The following FAM114A1 variants were observed in gnomAD, a reference collection of about 807,000 sequenced individuals.
FAM114A1 encodes protein NOXP20.
FAM114A1 carries 62 observed loss-of-function variants against 64.3 expected under a neutral mutation model. That is an observed-to-expected ratio of 0.96 (90% CI 0.79 to 1.19). The LOEUF is 1.19. Ranked by LOEUF, FAM114A1 falls within the 50% of genes most tolerant of loss-of-function variation. The pLI is 0.00. For synonymous variants in FAM114A1, 254 were observed against 251.1 expected (o/e 1.01, Z -0.11); for missense variants, 645 against 676.3 (o/e 0.95, Z 0.51).
At chr4:38,920,143 G>T (rs1719449838) in intron 8 of FAM114A1, among the ~76,000 whole-genome samples, 1 of 151,740 alleles carries the variant, frequency 6.6e-6, no homozygotes, top group South Asian at 2.1e-4. Flanking sequence ...GGAGGCGGAG[G>T]TTCCAGTGAG....
intron 7 of FAM114A1, among the ~76,000 whole-genome samples, chr4:38,911,390 G>T (rs1374396790): frequency 1.3e-5 from 2 of 152,246 alleles, no homozygotes; most frequent in African/African-American, 4.8e-5. Context: ...GGGAAGAGCT[G>T]TGGGAGGCTG....
chr4:38,931,639 A>G (rs550662111), intron 11 of FAM114A1, 27 bp downstream of exon 11: 7 of 1,597,558 alleles, frequency 4.4e-6, no homozygotes, highest in South Asian at 2.3e-5. Flanking sequence ...TTGTCTGCCT[A>G]CAAGGTAATA....
intron 3 of FAM114A1, among the ~76,000 whole-genome samples, chr4:38,882,680 G>C (rs954951941): frequency 6.6e-6 from 1 of 152,140 alleles, no homozygotes; most frequent in Admixed American, 6.5e-5. Flanking sequence ...AAAAGAAAAC[G>C]GGCAGAATAG....
rs1372523202 is a variant in FAM114A1, at chr4:38,900,307, TG to T, written c.437-5213del. Among the ~76,000 whole-genome samples the T allele has an allele frequency of 8.6e-5, 13 of 151,544 alleles. No individual in the cohort carries two copies. In the South Asian group the frequency reaches 2.3e-3, roughly 27 times the overall value. ...GTGTGCTCTTGGTGGGGTTATAAAA[TG>T]GTACAGCTGCTGTGGAAGACAGTAC... is the stretch of plus-strand genomic sequence containing the variant. On this transcript the variant is annotated intron_variant, in intron 4 of 14. Transcript: ENST00000358869.
At chr4:38,891,485 C>G (rs1217756395) in intron 3 of FAM114A1, among the ~76,000 whole-genome samples, 1 of 152,174 alleles carries the variant, frequency 6.6e-6, no homozygotes, top group Non-Finnish European at 1.5e-5. Context: ...AGAATCGAGG[C>G]TCAGTTAACA....
chr4:38,869,719 G>GTT (rs1183336699), intron 2 of FAM114A1, among the ~76,000 whole-genome samples: 2 of 141,320 alleles, frequency 1.4e-5, no homozygotes, highest in Non-Finnish European at 3.1e-5. Context: ...CACTGTTTTT[G>GTT]TTTTTTTTTT....
chr4:38,940,793 A>G (rs903430752), intron 13 of FAM114A1, among the ~76,000 whole-genome samples, 175 bp from the exon 14 acceptor site: 11 of 152,212 alleles, frequency 7.2e-5, no homozygotes, highest in African/African-American at 2.4e-4. Flanking sequence ...TTGCAATTAA[A>G]TGAGACTAAA....
At chr4:38,941,090 T>TC (rs397740181) in intron 14 of FAM114A1, 69 bp downstream of exon 14, 154 of 1,357,620 alleles carry the variant, frequency 1.1e-4, no homozygotes, top group South Asian at 9.9e-4. Flanking sequence ...TTTTTTTTTT[T>TC]GCCTTTCTTC....
chr4:38,902,609 T>A (rs1262588039), intron 4 of FAM114A1, among the ~76,000 whole-genome samples: 1 of 152,204 alleles, frequency 6.6e-6, no homozygotes, highest in Non-Finnish European at 1.5e-5. Context: ...TTGTACGACA[T>A]TCTCATCTTC....
Position 38,878,401 on chromosome 4 carries a change from T to C in FAM114A1, c.323T>C (p.Ile108Thr). 1 of 1,600,928 alleles carries C rather than the reference T, an allele frequency of 6.2e-7. No individual in the cohort carries two copies. Among genetic ancestry groups the C allele is most frequent in the South Asian group, 1.1e-5 (1 of 89,204 alleles). Reference protein sequence around the residue: ...VSLEAEPRSEIPLQEQNYLAV... With the variant: ...VSLEAEPRSETPLQEQNYLAV... The stretch of plus-strand genomic sequence containing the variant: ...CTTGAGGCAGAACCCAGATCCGAAA[T>C]ACCCCTGCAAGAACAGAATTATCTG... Residue 108 changes from isoleucine (I) to threonine (T), a missense_variant, in exon 3 of 15, where the codon ATA becomes ACA. Physicochemically the swap from Ile to Thr is moderately conservative, Grantham distance 89 (BLOSUM62 -1). Transcript: ENST00000358869.
chr4:38,916,021 C>T (rs746529467), intron 8 of FAM114A1, among the ~76,000 whole-genome samples: 27 of 152,260 alleles, frequency 1.8e-4, no homozygotes, highest in South Asian at 1.5e-3. Flanking sequence ...ACAAGAAGCT[C>T]AATTTGGCAG....
chr4:38,929,335 T>C lies in FAM114A1; in HGVS notation c.1161+2T>C. On this transcript the variant is annotated splice_donor_variant, in intron 10 of 14. Coordinates refer to ENST00000358869, the MANE Select transcript of FAM114A1 (RefSeq NM_138389.4). LOFTEE classifies it high-confidence loss of function. ...GCCACACCTGACAAACTCAATAAGG[T>C]CAGCACTGTCTGATTTATAGTTTCT... 3 of 1,606,656 alleles carry C rather than the reference T, an allele frequency of 1.9e-6. No homozygotes were observed. The highest frequency in any genetic ancestry group is 2.6e-6 in the Non-Finnish European group (3 of 1,173,620).
chr4:38,904,309 T>C (rs1717785140), intron 4 of FAM114A1, among the ~76,000 whole-genome samples: 1 of 152,174 alleles, frequency 6.6e-6, no homozygotes, highest in South Asian at 2.1e-4. Flanking sequence ...GTTTGACAAC[T>C]CAGAAAAGCT....
At chr4:38,937,441 C>G (rs1305640795) in intron 13 of FAM114A1, among the ~76,000 whole-genome samples, 1 of 152,174 alleles carries the variant, frequency 6.6e-6, no homozygotes, top group Admixed American at 6.5e-5. Context: ...CCATGCATGT[C>G]TGTGTCCAGA....
intron 2 of FAM114A1, among the ~76,000 whole-genome samples, chr4:38,877,467 A>G (rs151268476): frequency 0.02 from 3,006 of 152,220 alleles, 39 homozygotes; most frequent in Non-Finnish European, 0.032. Flanking sequence ...ATGAGAATCT[A>G]ATGCCACCAC....
intron 9 of FAM114A1, among the ~76,000 whole-genome samples, chr4:38,925,539 C>T (rs1031684599): frequency 2.1e-4 from 32 of 152,164 alleles, no homozygotes; most frequent in African/African-American, 7.7e-4. Context: ...AGCCCCCTAA[C>T]AACTAAATAA....
At chr4:38,882,081 G>A (rs1715325912) in intron 3 of FAM114A1, among the ~76,000 whole-genome samples, 1 of 151,910 alleles carries the variant, frequency 6.6e-6, no homozygotes, top group Admixed American at 6.6e-5. Context: ...GGGAGGCCGA[G>A]GCGGGTGGAT....
chr4:38,881,459 G>C (rs1024392015), intron 3 of FAM114A1, among the ~76,000 whole-genome samples: 1 of 152,090 alleles, frequency 6.6e-6, no homozygotes, highest in Non-Finnish European at 1.5e-5. Flanking sequence ...CCACAGAGTC[G>C]GGCCCGTGGC....
At chr4:38,896,251 C>T (rs1239761005) in intron 4 of FAM114A1, among the ~76,000 whole-genome samples, 2 of 152,160 alleles carry the variant, frequency 1.3e-5, no homozygotes, top group Non-Finnish European at 2.9e-5. Flanking sequence ...CACTGATCAT[C>T]ACTACCCACC....
Sources: gnomAD v4.1 joint callset for allele counts (sites outside exome capture counted in the v4.1 genomes callset) on GRCh38, gnomAD v4.1.1 for gene constraint, MANE v1.5 for transcripts, NCBI Gene and HGNC (gene_info 2026-07-23, HGNC 2026-07-21) for gene names.